Variants in KDM3B observed in about 807,000 individuals in gnomAD.
KDM3B encodes lysine-specific demethylase 3B.
In KDM3B, 10 loss-of-function variants were observed where a neutral mutation model predicts 170.0. The observed-to-expected ratio is 0.06, with a 90% CI of 0.04 to 0.10. The LOEUF (loss-of-function observed/expected upper bound fraction) is 0.10, where lower values mean the gene tolerates loss of function less well. Ranked by LOEUF, KDM3B falls within the 10% of genes least tolerant of loss-of-function variation. The pLI, the probability that KDM3B is intolerant of heterozygous loss-of-function variation, is 1.00. For missense variants in KDM3B, 1,394 were observed against 2,195.2 expected, an observed-to-expected ratio of 0.64 and a Z score of 7.29; for synonymous variants, 831 against 834.8, an observed-to-expected ratio of 1.00 and a Z score of 0.08.
At chr5:138,427,556 A>T (rs1487159458) in intron 19 of KDM3B, among the ~76,000 whole-genome samples, 1 of 152,148 alleles carries the variant, frequency 6.6e-6, no homozygotes, top group Non-Finnish European at 1.5e-5. Flanking sequence ...GTTTCCTGTT[A>T]AGAACTCTAC....
chr5:138,405,538 G>A (rs1294082527), intron 11 of KDM3B, among the ~76,000 whole-genome samples: 1 of 151,864 alleles, frequency 6.6e-6, no homozygotes, highest in African/African-American at 2.4e-5. Flanking sequence ...GACCATTCTA[G>A]CAGCTTTTCT....
chr5:138,403,688 A>AT (rs1266856687), intron 11 of KDM3B, among the ~76,000 whole-genome samples: 37 of 151,210 alleles, frequency 2.4e-4, no homozygotes, highest in African/African-American at 5.8e-4. Flanking sequence ...AAAAAAAAAA[A>AT]AAAAGAATAG....
At chr5:138,382,052 G>T (rs1316902161) in intron 6 of KDM3B, among the ~76,000 whole-genome samples, 1 of 151,738 alleles carries the variant, frequency 6.6e-6, no homozygotes, top group Admixed American at 6.6e-5. Flanking sequence ...CTGGTACCTA[G>T]TTCAGTGCTC....
chr5:138,361,663 C>T (rs967706858), intron 1 of KDM3B, among the ~76,000 whole-genome samples: 11 of 152,124 alleles, frequency 7.2e-5, no homozygotes, highest in Non-Finnish European at 1.6e-4. Flanking sequence ...TGCTTTGTTC[C>T]TTCTTTAAAC....
chr5:138,415,008 T>C (rs1763066788), intron 11 of KDM3B, 124 bp from the exon 12 acceptor site: 1 of 516,426 alleles, frequency 1.9e-6, no homozygotes, highest in South Asian at 4.2e-5. Flanking sequence ...TTTTGTTTTT[T>C]TAAGTTAGCT....
At chr5:138,413,471 T>C (rs979604989) in intron 11 of KDM3B, among the ~76,000 whole-genome samples, 2 of 152,118 alleles carry the variant, frequency 1.3e-5, no homozygotes, top group Non-Finnish European at 2.9e-5. Context: ...GAATGCAGAT[T>C]GGTACCATCA....
At chr5:138,394,293 G>A (rs1162681166) in intron 9 of KDM3B, among the ~76,000 whole-genome samples, 1 of 152,184 alleles carries the variant, frequency 6.6e-6, no homozygotes, top group African/African-American at 2.4e-5. Flanking sequence ...AGGATCACTT[G>A]AGCCCAGGAG....
chr5:138,416,666 C>A (rs1196573314), intron 12 of KDM3B, among the ~76,000 whole-genome samples: 1 of 151,182 alleles, frequency 6.6e-6, no homozygotes, highest in South Asian at 2.1e-4. Context: ...CCCTTATACC[C>A]CACTGCTTCT....
rs531323006 is a variant in KDM3B at position 138,436,108 on chromosome 5, A to G, written c.*408A>G. ...CACATAACTGGTACAAGTATGGGGTAATTGCTTAAACATGCCTGGTGGAAG... is the reference window on the plus strand; with the variant it reads ...CACATAACTGGTACAAGTATGGGGTGATTGCTTAAACATGCCTGGTGGAAG... On this transcript the variant is annotated 3_prime_UTR_variant, in exon 24 of 24. Coordinates refer to ENST00000314358, the MANE Select transcript of KDM3B (RefSeq NM_016604.4). The G allele has an allele frequency of 2.1e-5, 4 of 193,398 alleles. No individual in the cohort carries two copies. In the South Asian group the frequency reaches 3.9e-4, roughly 19 times the overall value. 12.0% of individuals were successfully genotyped at this position (193,398 alleles called of 1,614,324 possible). A position where few individuals can be genotyped will look rare whatever the true frequency, so the allele number is the denominator to read the frequency against.
At position 138,419,079 on chromosome 5, in the gene KDM3B, T is replaced by C. The variant is rs1470031642; in HGVS notation, c.3562T>C (p.Ser1188Pro). 6.2e-7 allele frequency: 1 copy of C among 1,614,188 alleles called. No homozygotes were observed. The highest frequency in any genetic ancestry group is 1.3e-5 in the African/African-American group (1 of 75,030). ...CAAAGCCGACAGCACTGACATCAGA[T>C]CTGAAGAGCCTCTGAAAACAGACAG... The part of the protein sequence containing the change: ...VPKADSTDIR[S>P]EEPLKTDSSA... The change falls in exon 14 of 24, where the codon TCT becomes CCT. Residue 1188 changes from serine (S) to proline (P), a missense_variant. By Grantham distance (74) the Ser-to-Pro change is moderately conservative (BLOSUM62 -1). This residue lies in a region of KDM3B where 87 missense variants were observed against 83.3 expected (regional missense o/e 1.04). Transcript: ENST00000314358.
rs564067700 is a variant in KDM3B at position 138,431,900 on chromosome 5, A to G, written c.5205+341A>G. Among the ~76,000 whole-genome samples the G allele has an allele frequency of 2.6e-5, 4 of 151,648 alleles. No individual in the cohort carries two copies. In the East Asian group the frequency reaches 7.7e-4, roughly 29 times the overall value. On this transcript the variant is annotated intron_variant, in intron 23 of 23. Transcript: ENST00000314358. ...GCACTCCAGCCTGGGCAACAGAGCA[A>G]GACTCCCATCTCAAAAAAAAAAAAA...
chr5:138,426,468 G>A (rs1025889877), intron 17 of KDM3B, among the ~76,000 whole-genome samples: 5 of 151,302 alleles, frequency 3.3e-5, no homozygotes, highest in Non-Finnish European at 5.9e-5. Context: ...CCAGCTACTC[G>A]GCAGGCTGAG....
At chr5:138,417,424 C>T in intron 12 of KDM3B, 59 bp from the exon 13 acceptor site, 1 of 1,537,092 alleles carries the variant, frequency 6.5e-7, no homozygotes, top group Non-Finnish European at 9.0e-7. Flanking sequence ...ACTCTTAGCA[C>T]AATATGTGGC....
chr5:138,352,996 C>T lies in KDM3B; in HGVS notation c.192+9C>T. On this transcript the variant is annotated intron_variant, in intron 1 of 23. Transcript: ENST00000314358. ...TGCCCCAGGACCTAGCGGTGAGTGG[C>T]GGCCGAGTCGGGCACTCGAGGCCGG... is the stretch of plus-strand genomic sequence containing the variant. The T allele has an allele frequency of 8.6e-7, 1 of 1,157,916 alleles. No homozygotes were observed. The highest frequency in any genetic ancestry group is 1.1e-6 in the Non-Finnish European group (1 of 942,126). The allele number at this position is 1,157,916 out of a possible 1,614,324, so 71.7% of individuals were successfully genotyped here.
chr5:138,364,672 A>G (rs1561756812), intron 1 of KDM3B, among the ~76,000 whole-genome samples: 3 of 152,176 alleles, frequency 2.0e-5, no homozygotes, highest in Middle Eastern at 3.4e-3. Flanking sequence ...ATATTCTGCT[A>G]CGCATTTAAA....
At position 138,352,742 on chromosome 5, in the gene KDM3B, G is replaced by T. The variant is rs1464453002; in HGVS notation, c.-54G>T. ...CTTGCGGGCGGATCGGGCGCTTGGC[G>T]GCGGAGGTGGTGGGAGGCGGCGGGC... On this transcript the variant is annotated 5_prime_UTR_variant, in exon 1 of 24. Transcript: ENST00000314358. 2.5e-6 allele frequency: 3 copies of T among 1,186,904 alleles called. No individual in the cohort carries two copies. The highest frequency in any genetic ancestry group is 3.1e-6 in the Non-Finnish European group (3 of 960,208). The allele number at this position is 1,186,904 out of a possible 1,614,324, so 73.5% of individuals were successfully genotyped here.
intron 1 of KDM3B, among the ~76,000 whole-genome samples, chr5:138,364,977 G>A (rs998562456): frequency 6.6e-6 from 1 of 152,170 alleles, no homozygotes; most frequent in African/African-American, 2.4e-5. Flanking sequence ...GCTATCTCTT[G>A]AGAATCAAAG....
intron 2 of KDM3B, 94 bp downstream of exon 2, chr5:138,372,935 T>TA: frequency 1.8e-6 from 2 of 1,108,752 alleles, no homozygotes; most frequent in Non-Finnish European, 2.5e-6. Flanking sequence ...AAGAACTACA[T>TA]ACTTTGTCCT....
intron 14 of KDM3B, 80 bp from the exon 15 acceptor site, chr5:138,420,626 T>C: frequency 2.7e-6 from 4 of 1,464,172 alleles, no homozygotes; most frequent in Non-Finnish European, 3.8e-6. Flanking sequence ...CTCCTTCCCA[T>C]GTGACTGATT....
Sources: gnomAD v4.1 joint callset for allele counts (sites outside exome capture counted in the v4.1 genomes callset) on GRCh38, gnomAD v4.1.1 for gene constraint, gnomAD v4.1.1 regional missense constraint, MANE v1.5 for transcripts, NCBI Gene and HGNC (gene_info 2026-07-23, HGNC 2026-07-21) for gene names.